Variants in THSD4 observed in about 807,000 individuals in gnomAD.
THSD4 encodes the protein thrombospondin type-1 domain-containing protein 4.
Under a neutral mutation model 119.0 loss-of-function variants are expected in THSD4, and 69 were observed. The ratio of observed to expected loss-of-function variants is 0.58; its 90% CI spans 0.48 to 0.71. The LOEUF is 0.71. Among genes scored for constraint, THSD4 ranks in the 30% least tolerant of loss-of-function variants. The pLI, the probability that THSD4 is intolerant of heterozygous loss-of-function variation, is 0.00. For missense variants in THSD4, 1,393 were observed against 1,391.1 expected (o/e 1.00, Z -0.02); for synonymous variants, 524 against 540.4 (o/e 0.97, Z 0.42).
intron 1 of THSD4, among the ~76,000 whole-genome samples, chr15:71,137,754 T>G (rs978694570): frequency 1.3e-5 from 2 of 152,194 alleles, no homozygotes; most frequent in African/African-American, 2.4e-5. Flanking sequence ...CAATCAAATC[T>G]GATAAGAAGT....
chr15:71,507,218 C>T (rs1388559998), intron 7 of THSD4, among the ~76,000 whole-genome samples: 1 of 152,176 alleles, frequency 6.6e-6, no homozygotes, highest in Non-Finnish European at 1.5e-5. Context: ...TGCCTCACCG[C>T]CCTGCCCCAG....
intron 6 of THSD4, among the ~76,000 whole-genome samples, chr15:71,363,308 C>G (rs1388694439): frequency 6.6e-6 from 1 of 152,186 alleles, no homozygotes; most frequent in Non-Finnish European, 1.5e-5. Context: ...AAGTAGTAAA[C>G]CAGATTGGGC....
chr15:71,275,855 G>GT (rs1164116392), intron 6 of THSD4, among the ~76,000 whole-genome samples: 1 of 152,280 alleles, frequency 6.6e-6, no homozygotes, highest in East Asian at 1.9e-4. Context: ...GGAGGGCTGT[G>GT]TTTGCTTCCC....
At chr15:71,281,709 A>G (rs568672065) in intron 6 of THSD4, among the ~76,000 whole-genome samples, 9 of 152,210 alleles carry the variant, frequency 5.9e-5, no homozygotes, top group Non-Finnish European at 1.0e-4. Flanking sequence ...TCCTTTCTCC[A>G]TAGCATGAAG....
chr15:71,211,152 G>A (rs10851835), intron 3 of THSD4, among the ~76,000 whole-genome samples: 150,310 of 152,322 alleles, frequency 0.99, 74,201 homozygotes, highest in East Asian at 1. Flanking sequence ...ATATTCGGCA[G>A]TCTAATGGGT....
At chr15:71,657,866 G>T (rs1192582203) in intron 7 of THSD4, among the ~76,000 whole-genome samples, 5 of 152,212 alleles carry the variant, frequency 3.3e-5, no homozygotes, top group African/African-American at 1.2e-4. Context: ...TTCATATAAT[G>T]TCTGATTCAC....
chr15:71,226,843 C>A, intron 4 of THSD4, among the ~76,000 whole-genome samples: 1 of 152,102 alleles, frequency 6.6e-6, no homozygotes, highest in Non-Finnish European at 1.5e-5. Flanking sequence ...GGTAGTTAGC[C>A]GAGAAAACGG....
intron 16 of THSD4, 61 bp from the exon 17 acceptor site, chr15:71,771,003 C>A: frequency 6.4e-7 from 1 of 1,572,110 alleles, no homozygotes; most frequent in South Asian, 1.2e-5. Context: ...TCTTCTTTCT[C>A]CAGTGTGCTG....
chr15:71,326,662 A>G (rs2045342309), intron 6 of THSD4, among the ~76,000 whole-genome samples: 1 of 101,020 alleles, frequency 9.9e-6, no homozygotes, highest in Non-Finnish European at 2.0e-5. Context: ...CAACAGAGCA[A>G]GATTCCATCT....
chr15:71,628,461 G>A (rs2050550255), intron 7 of THSD4, among the ~76,000 whole-genome samples: 1 of 152,186 alleles, frequency 6.6e-6, no homozygotes, highest in South Asian at 2.1e-4. Context: ...TCAAGGAGCA[G>A]AACGGGAATT....
chr15:71,123,880 AT>A (rs1484345396), intron 1 of THSD4, among the ~76,000 whole-genome samples: 9 of 152,226 alleles, frequency 5.9e-5, no homozygotes, highest in Non-Finnish European at 2.9e-5. Context: ...TGGAGCGTGC[AT>A]TTACTTGATA....
chr15:71,324,080 C>T (rs569912943), intron 6 of THSD4, among the ~76,000 whole-genome samples: 2 of 152,234 alleles, frequency 1.3e-5, no homozygotes, highest in Non-Finnish European at 2.9e-5. Flanking sequence ...CCATAGGAGC[C>T]TTTTGAATAC....
chr15:71,182,375 G>A (rs1373681152), intron 3 of THSD4, among the ~76,000 whole-genome samples: 1 of 151,666 alleles, frequency 6.6e-6, no homozygotes, highest in East Asian at 1.9e-4. Flanking sequence ...TATCTTAAAT[G>A]TGGTCTTCTT....
intron 7 of THSD4, among the ~76,000 whole-genome samples, chr15:71,428,739 TC>T (rs1028589812): frequency 2.6e-5 from 4 of 152,190 alleles, no homozygotes; most frequent in Non-Finnish European, 5.9e-5. Context: ...GACTCAAACA[TC>T]AAAACTACTC....
chr15:71,524,763 A>ATTT (rs35666244), intron 7 of THSD4, among the ~76,000 whole-genome samples: 1 of 116,104 alleles, frequency 8.6e-6, no homozygotes, highest in African/African-American at 3.6e-5. Context: ...CGCCCGGCTA[A>ATTT]TTTTTTTTTT....
At chr15:71,478,517 G>A (rs576881883) in intron 7 of THSD4, among the ~76,000 whole-genome samples, 2 of 152,252 alleles carry the variant, frequency 1.3e-5, no homozygotes, top group East Asian at 3.9e-4. Flanking sequence ...CCACCCAAAA[G>A]ATGAACAAAA....
chr15:71,282,288 T>G (rs2044662056), intron 6 of THSD4, among the ~76,000 whole-genome samples: 1 of 152,220 alleles, frequency 6.6e-6, no homozygotes, highest in South Asian at 2.1e-4. Context: ...CGTCCAGCAG[T>G]CACAGGAAAT....
At chr15:71,562,052 G>A (rs917203381) in intron 7 of THSD4, among the ~76,000 whole-genome samples, 1 of 152,112 alleles carries the variant, frequency 6.6e-6, no homozygotes, top group African/African-American at 2.4e-5. Flanking sequence ...TTACATATGA[G>A]GATAATGAAT....
At chr15:71,179,945 G>T (rs1162307258) in intron 3 of THSD4, among the ~76,000 whole-genome samples, 1 of 83,298 alleles carries the variant, frequency 1.2e-5, no homozygotes, top group Non-Finnish European at 2.4e-5. Flanking sequence ...TGAACAATGA[G>T]ATCACATGGA....
Sources: allele counts gnomAD v4.1 joint callset (sites outside exome capture counted in the v4.1 genomes callset), GRCh38; gene constraint gnomAD v4.1.1; transcripts MANE v1.5; gene names NCBI Gene and HGNC (gene_info 2026-07-23, HGNC 2026-07-21).